PAN3: variants seen among roughly 807,000 people sequenced by gnomAD.
PAN3 encodes PAN2-PAN3 deadenylation complex subunit PAN3.
PAN3 carries 19 observed loss-of-function variants against 96.2 expected under a neutral mutation model. The ratio of observed to expected loss-of-function variants is 0.20; its 90% CI spans 0.14 to 0.29. PAN3 has a LOEUF of 0.29. PAN3 is among the 10% of genes least tolerant of loss of function. The probability of loss-of-function intolerance (pLI) is 1.00; values close to 1 mark genes in which losing one functional copy is unlikely to be tolerated. For synonymous variants in PAN3, 433 were observed against 406.6 expected (o/e 1.06, Z -0.78); for missense variants, 882 against 1,108.1 (o/e 0.80, Z 2.90).
chr13:28,168,014 C>T (rs1222085669), intron 1 of PAN3, among the ~76,000 whole-genome samples: 2 of 152,184 alleles, frequency 1.3e-5, no homozygotes, highest in Non-Finnish European at 2.9e-5. Context: ...CATACAGGCA[C>T]TAATGCCATT....
intron 6 of PAN3, among the ~76,000 whole-genome samples, chr13:28,235,522 A>G (rs570781557): frequency 9.9e-5 from 15 of 151,876 alleles, no homozygotes; most frequent in South Asian, 8.3e-4. Context: ...AGGCTCTCCT[A>G]TTTATTGAGA....
chr13:28,177,720 A>G, intron 3 of PAN3, 145 bp from the exon 4 acceptor site: 1 of 657,988 alleles, frequency 1.5e-6, no homozygotes, highest in Admixed American at 2.9e-5. Flanking sequence ...TTTGCTCAGA[A>G]AATATTTGAA....
intron 6 of PAN3, among the ~76,000 whole-genome samples, chr13:28,222,666 G>T (rs1360105788): frequency 6.6e-6 from 1 of 152,102 alleles, no homozygotes; most frequent in East Asian, 1.9e-4. Context: ...ACCTACAAAT[G>T]TTGTTTTGTT....
chr13:28,167,001 C>A (rs1190922394), intron 1 of PAN3, among the ~76,000 whole-genome samples: 2 of 151,448 alleles, frequency 1.3e-5, no homozygotes, highest in African/African-American at 2.4e-5. Context: ...TGGGTTCATT[C>A]TTCCATTGTC....
In PAN3 at chr13:28,292,541, G is replaced by T. The variant is rs1024366236; in HGVS notation, c.*19G>T. 1.3e-6 allele frequency: 2 copies of T among 1,596,160 alleles called. No homozygotes were observed. Among genetic ancestry groups the T allele is most frequent in the African/African-American group, 1.4e-5 (1 of 73,644 alleles). On this transcript the variant is annotated 3_prime_UTR_variant, in exon 19 of 19. Transcript: ENST00000380958. ...GTTGTAGTATTTGCTAAAAAAGCAC[G>T]CAGGACATGGCTAAAGACCTTAACC...
Position 28,266,758 on chromosome 13 carries a change from A to G in PAN3, c.1455A>G (p.Leu485=), listed in dbSNP as rs1285875019. The G allele has an allele frequency of 1.3e-5, 21 of 1,609,546 alleles. No individual in the cohort carries two copies. Among genetic ancestry groups the G allele is most frequent in the African/African-American group, 5.3e-5 (4 of 74,794 alleles). Residue 485 remains leucine (L), a synonymous_variant, in exon 10 of 19, where the codon CTA becomes CTG. Transcript: ENST00000380958. ...ACAGCTACCATAGCCTATTCCCTCT[A>G]GAACCACTGCCACCTCCCAACCGGA... ...EVDSYHSLFP[L]EPLPPPNRIQ... is the part of the protein sequence containing the mutation.
Position 28,280,455 on chromosome 13 carries a change from A to G in PAN3, c.2233A>G (p.Ile745Val). ...DQNRMRSVND[I>V]MPMIGARFYT... ...AAACAGGATGCGAAGTGTAAATGAC[A>G]TCATGCCCATGATTGGTGCTCGATT... The change falls in exon 16 of 19, where the codon ATC becomes GTC. Residue 745 changes from isoleucine to valine, a missense_variant. Physicochemically the swap from Ile to Val is conservative, Grantham distance 29. Transcript: ENST00000380958. 6.2e-7 allele frequency: 1 copy of G among 1,613,424 alleles called. No homozygotes were observed. Among genetic ancestry groups the G allele is most frequent in the South Asian group, 1.1e-5 (1 of 91,012 alleles).
chr13:28,188,884 C>A, intron 4 of PAN3, among the ~76,000 whole-genome samples: 1 of 152,320 alleles, frequency 6.6e-6, no homozygotes, highest in East Asian at 1.9e-4. Flanking sequence ...GCTTTAACTA[C>A]ATTTTTTATA....
intron 15 of PAN3, among the ~76,000 whole-genome samples, chr13:28,279,617 G>A (rs189048542): frequency 2.0e-5 from 3 of 151,572 alleles, no homozygotes; most frequent in African/African-American, 4.8e-5. Context: ...AAAATTATCT[G>A]GGCTTGGTGG....
intron 7 of PAN3, among the ~76,000 whole-genome samples, chr13:28,259,134 T>TC (rs201559127): frequency 6.6e-5 from 10 of 151,392 alleles, no homozygotes; most frequent in South Asian, 6.3e-4. Flanking sequence ...TCATTAGATT[T>TC]TTTTTTTTTT....
intron 1 of PAN3, among the ~76,000 whole-genome samples, chr13:28,156,123 G>T (rs942188063): frequency 6.6e-6 from 1 of 152,156 alleles, no homozygotes; most frequent in Non-Finnish European, 1.5e-5. Context: ...AGTGAAAAGA[G>T]AAGTTGGTTA....
At chr13:28,141,925 A>G (rs912711455) in intron 1 of PAN3, among the ~76,000 whole-genome samples, 1 of 152,240 alleles carries the variant, frequency 6.6e-6, no homozygotes, top group African/African-American at 2.4e-5. Flanking sequence ...ACTGAGATAT[A>G]GGGACTCGAG....
intron 1 of PAN3, among the ~76,000 whole-genome samples, chr13:28,163,893 C>T (rs1593388815): frequency 6.6e-6 from 1 of 152,076 alleles, no homozygotes; most frequent in African/African-American, 2.4e-5. Context: ...GTCTTAAGTC[C>T]ATTTACTGAA....
In PAN3 at chr13:28,209,249, A is replaced by G. The variant is rs572139100; in HGVS notation, c.853-10982A>G. On this transcript the variant is annotated intron_variant, in intron 5 of 18. Coordinates refer to ENST00000380958, the MANE Select transcript of PAN3 (RefSeq NM_175854.8). ...ACTATTGAAAAAAATCAGATACTAT[A>G]GAAGAGTACGAAGAAGAAGGCAAAA... Among the ~76,000 whole-genome samples, 24 of 152,340 alleles carry G rather than the reference A, an allele frequency of 1.6e-4. 1 individual carries two copies. The East Asian group carries it at 4.2e-3, about 27-fold the overall frequency.
At chr13:28,222,632 T>C (rs1881525566) in intron 6 of PAN3, among the ~76,000 whole-genome samples, 1 of 152,206 alleles carries the variant, frequency 6.6e-6, no homozygotes, top group South Asian at 2.1e-4. Context: ...ACCATTGTAC[T>C]CTCAGTGTCT....
intron 1 of PAN3, among the ~76,000 whole-genome samples, chr13:28,146,976 C>T (rs945284606): frequency 5.4e-5 from 8 of 149,382 alleles, no homozygotes; most frequent in African/African-American, 2.0e-4. Flanking sequence ...AGCAAGACTC[C>T]GTCTCAAAAA....
chr13:28,204,724 A>G (rs908810762), intron 5 of PAN3, among the ~76,000 whole-genome samples: 3 of 152,242 alleles, frequency 2.0e-5, no homozygotes, highest in Non-Finnish European at 4.4e-5. Context: ...TGGGAAATGT[A>G]TGATTTTGTA....
chr13:28,212,079 G>A (rs1185780799), intron 5 of PAN3, among the ~76,000 whole-genome samples: 1 of 152,222 alleles, frequency 6.6e-6, no homozygotes, highest in African/African-American at 2.4e-5. Flanking sequence ...TTTAGCTGAT[G>A]TGAATTCAGG....
At chr13:28,200,257 C>T (rs960924110) in intron 5 of PAN3, among the ~76,000 whole-genome samples, 4 of 152,004 alleles carry the variant, frequency 2.6e-5, no homozygotes, top group South Asian at 4.1e-4. Context: ...CTGTAACTTA[C>T]GTATGACTCT....
Sources: allele counts gnomAD v4.1 joint callset (sites outside exome capture counted in the v4.1 genomes callset), GRCh38; gene constraint gnomAD v4.1.1; transcripts MANE v1.5; gene names NCBI Gene and HGNC (gene_info 2026-07-23, HGNC 2026-07-21).